The following ALG12 variants were observed in gnomAD, a reference collection of about 807,000 sequenced individuals.
ALG12 encodes the protein dol-P-Man:Man(7)GlcNAc(2)-PP-Dol alpha-1,6-mannosyltransferase.
Under a neutral mutation model 46.0 loss-of-function variants are expected in ALG12, and 36 were observed. That is an observed-to-expected ratio of 0.78 (90% CI 0.60 to 1.03). The LOEUF is 1.03. Among genes scored for constraint, ALG12 ranks in the 50% least tolerant of loss-of-function variants. The pLI is 0.00. For missense variants in ALG12, 599 were observed against 633.5 expected, an observed-to-expected ratio of 0.95 and a Z score of 0.58; for synonymous variants, 326 against 291.6, an observed-to-expected ratio of 1.12 and a Z score of -1.20.
rs1249566295 is a variant in ALG12 at position 49,902,102 on chromosome 22, CTGTG to C, written c.*1732_*1735del. 3 of 115,084 alleles carry C rather than the reference CTGTG, an allele frequency of 2.6e-5. No homozygotes were observed. Among genetic ancestry groups the C allele is most frequent in the Non-Finnish European group, 5.1e-5 (3 of 58,562 alleles). 7.1% of individuals were successfully genotyped at this position (115,084 alleles called of 1,614,324 possible). ...CATGCATGGTGTGTGCACGTGTGCA[CTGTG>C]TATGCATGGTAATGTGCACGTGTGC... is the stretch of plus-strand genomic sequence containing the variant. On this transcript the variant is annotated 3_prime_UTR_variant, in exon 10 of 10. Transcript: ENST00000330817.
chr22:49,908,373 C>A (rs982004151), intron 6 of ALG12, among the ~76,000 whole-genome samples: 1 of 150,126 alleles, frequency 6.7e-6, no homozygotes, highest in African/African-American at 2.5e-5. Context: ...ACTACAAATA[C>A]AAAAATTAGC....
chr22:49,860,742 A>G, the ALG12 span, among the ~76,000 whole-genome samples: 1 of 151,504 alleles, frequency 6.6e-6, no homozygotes, highest in Non-Finnish European at 1.5e-5. Flanking sequence ...ACTACATAAA[A>G]GCTACCTTTC....
chr22:49,897,235 C>G (rs1430280440), downstream of ALG12, among the ~76,000 whole-genome samples: 2 of 152,158 alleles, frequency 1.3e-5, no homozygotes, highest in Non-Finnish European at 2.9e-5. Flanking sequence ...TACTGAAGGG[C>G]ATCTTGGTTG....
the ALG12 span, among the ~76,000 whole-genome samples, chr22:49,861,554 C>T: frequency 2.0e-5 from 3 of 152,186 alleles, no homozygotes; most frequent in Admixed American, 6.5e-5. Context: ...TCACTGTACC[C>T]TCCTGAGTAG....
chr22:49,878,212 G>A, the ALG12 span, among the ~76,000 whole-genome samples: 2 of 151,224 alleles, frequency 1.3e-5, no homozygotes, highest in Non-Finnish European at 2.9e-5. Flanking sequence ...GGCTGAGGCA[G>A]GAGAATCGTT....
intron 7 of ALG12, among the ~76,000 whole-genome samples, chr22:49,907,369 C>G (rs1016839750): frequency 6.6e-6 from 1 of 152,192 alleles, no homozygotes; most frequent in Non-Finnish European, 1.5e-5. Flanking sequence ...CTGAGCAAAG[C>G]CCTCTGTCAG....
chr22:49,896,191 C>T (rs2060482830), downstream of ALG12, among the ~76,000 whole-genome samples: 1 of 152,242 alleles, frequency 6.6e-6, no homozygotes. Context: ...TTGCATGAGA[C>T]TTCTGGGGTG....
the ALG12 span, among the ~76,000 whole-genome samples, chr22:49,880,323 C>T: frequency 5.3e-5 from 8 of 152,220 alleles, no homozygotes; most frequent in Admixed American, 2.0e-4. Flanking sequence ...GGGTGGTTTC[C>T]TCAAATGCAG....
In ALG12 at chr22:49,901,968, GGTGT is replaced by G. The variant is rs1468729867; in HGVS notation, c.*1866_*1869del. The G allele has an allele frequency of 6.9e-6, 1 of 145,338 alleles. No homozygotes were observed. The highest frequency in any genetic ancestry group is 2.6e-5 in the African/African-American group (1 of 38,260). The allele number at this position is 145,338 out of a possible 1,614,324, so 9.0% of individuals were successfully genotyped here. On this transcript the variant is annotated 3_prime_UTR_variant, in exon 10 of 10. Transcript: ENST00000330817. ...TAATGTGCACGTGTGCACTGTGTGT[GGTGT>G]GTATGCATGGTGTGTGCACGTGTGC...
rs1459776275 is a variant in ALG12, at chr22:49,902,459, GGT to G, written c.*1377_*1378del. 1 of 144,332 alleles carries G rather than the reference GGT, an allele frequency of 6.9e-6. No homozygotes were observed. Among genetic ancestry groups the G allele is most frequent in the Non-Finnish European group, 1.5e-5 (1 of 66,098 alleles). 8.9% of individuals were successfully genotyped at this position (144,332 alleles called of 1,614,324 possible). On this transcript the variant is annotated 3_prime_UTR_variant, in exon 10 of 10. Coordinates refer to ENST00000330817, the MANE Select transcript of ALG12 (RefSeq NM_024105.4). Reference sequence around the variant, plus strand: ...GTGCACGTGTGCACTGTGTATGCATGGTGTGTGCACGTGTGCACTGTGTGGTG... The same window carrying G: ...GTGCACGTGTGCACTGTGTATGCATGGTGTGCACGTGTGCACTGTGTGGTG...
Position 49,910,465 on chromosome 22 carries a change from C to T in ALG12, c.438G>A (p.Arg146=). The T allele has an allele frequency of 1.2e-6, 2 of 1,613,736 alleles. No individual in the cohort carries two copies. Among genetic ancestry groups the T allele is most frequent in the Non-Finnish European group, 1.7e-6 (2 of 1,180,026 alleles). ...MQFHLMFYCT[R]TLPNVLALPV... ...GCAGGGCCAGCACATTGGGCAGTGT[C>T]CGCGTGCAGTAGAACATCAGGTGGA... Residue 146 remains arginine, a synonymous_variant, in exon 4 of 10, where the codon CGG becomes CGA. Transcript: ENST00000330817.
chr22:49,915,169 T>A (rs139736869), intron 1 of ALG12, among the ~76,000 whole-genome samples: 1 of 152,244 alleles, frequency 6.6e-6, no homozygotes, highest in African/African-American at 2.4e-5. Context: ...AAAGCTTTAA[T>A]AATTTTACGA....
At chr22:49,912,902 G>A (rs1248419638) in intron 3 of ALG12, among the ~76,000 whole-genome samples, 2 of 152,134 alleles carry the variant, frequency 1.3e-5, no homozygotes, top group East Asian at 3.8e-4. Flanking sequence ...AGAACAATAT[G>A]TACAAAACGT....
rs953342746 is a variant in ALG12, at chr22:49,900,328, G to T, written c.*3510C>A. The T allele has an allele frequency of 6.6e-6, 1 of 152,248 alleles. No homozygotes were observed. The highest frequency in any genetic ancestry group is 1.5e-5 in the Non-Finnish European group (1 of 68,076). The allele number at this position is 152,248 out of a possible 1,614,324, so 9.4% of individuals were successfully genotyped here. Reference sequence around the variant, plus strand: ...AAAAGCGAGGAGGAGGTACAGGAGGGAGTGGCTCCCTGCATCTGTCTTCAG... The same window carrying T: ...AAAAGCGAGGAGGAGGTACAGGAGGTAGTGGCTCCCTGCATCTGTCTTCAG... On this transcript the variant is annotated 3_prime_UTR_variant, in exon 10 of 10. Transcript: ENST00000330817.
chr22:49,861,717 G>A, the ALG12 span, among the ~76,000 whole-genome samples: 3 of 152,192 alleles, frequency 2.0e-5, no homozygotes, highest in South Asian at 2.1e-4. Context: ...GATTACAGGC[G>A]TGAGCTGCCG....
chr22:49,872,863 A>AT, the ALG12 span, among the ~76,000 whole-genome samples: 1 of 151,838 alleles, frequency 6.6e-6, no homozygotes, highest in Non-Finnish European at 1.5e-5. Context: ...CTGCCGGCTA[A>AT]TTTTTTTGTA....
At chr22:49,917,091 C>T (rs963982633) in intron 1 of ALG12, among the ~76,000 whole-genome samples, 5 of 152,198 alleles carry the variant, frequency 3.3e-5, no homozygotes, top group Non-Finnish European at 5.9e-5. Flanking sequence ...GCCAGGAGCA[C>T]GGGAAGACCA....
At chr22:49,912,910 C>T (rs577244049) in intron 3 of ALG12, among the ~76,000 whole-genome samples, 2 of 152,164 alleles carry the variant, frequency 1.3e-5, no homozygotes, top group Admixed American at 6.5e-5. Context: ...ATGTACAAAA[C>T]GTTCTAATTT....
chr22:49,892,187 C>CA, the ALG12 span, among the ~76,000 whole-genome samples: 9,199 of 55,008 alleles, frequency 0.17, 1,398 homozygotes, highest in Non-Finnish European at 0.23. Context: ...GACTCTGTCT[C>CA]AAAAAAAAAA....
Sources: gnomAD v4.1 joint callset for allele counts (sites outside exome capture counted in the v4.1 genomes callset) on GRCh38, gnomAD v4.1.1 for gene constraint, MANE v1.5 for transcripts, NCBI Gene and HGNC (gene_info 2026-07-23, HGNC 2026-07-21) for gene names.